Variants in PRKCB observed in about 807,000 individuals in gnomAD.
PRKCB encodes protein kinase C beta type.
A neutral mutation model predicts 81.5 loss-of-function variants in PRKCB; 13 were observed. The observed-to-expected ratio is 0.16, with a 90% CI of 0.10 to 0.25. PRKCB has a LOEUF of 0.25. Ranked by LOEUF, PRKCB falls within the 10% of genes least tolerant of loss-of-function variation. The probability of loss-of-function intolerance (pLI) is 1.00; values close to 1 mark genes in which losing one functional copy is unlikely to be tolerated. For synonymous variants in PRKCB, 335 were observed against 321.4 expected, an observed-to-expected ratio of 1.04 and a Z score of -0.45; for missense variants, 509 against 875.7, an observed-to-expected ratio of 0.58 and a Z score of 5.29.
chr16:23,939,455 G>T (rs1964108750), intron 2 of PRKCB, among the ~76,000 whole-genome samples: 1 of 152,176 alleles, frequency 6.6e-6, no homozygotes, highest in East Asian at 1.9e-4. Flanking sequence ...GAATAAAATG[G>T]GAGGAATCAG....
Position 24,180,892 on chromosome 16 carries a change from G to A in PRKCB, c.1497G>A (p.Lys499=). 6.2e-7 allele frequency: 1 copy of A among 1,614,222 alleles called. No homozygotes were observed. The highest frequency in any genetic ancestry group is 8.5e-7 in the Non-Finnish European group (1 of 1,180,040). ...ACATCTGGGATGGGGTGACAACCAA[G>A]ACATTCTGTGGCACTCCAGACTACA... The part of the protein sequence containing the change: ...KENIWDGVTT[K]TFCGTPDYIA... Residue 499 remains lysine (K), a synonymous_variant, in exon 13 of 17, where the codon AAG becomes AAA. Coordinates refer to ENST00000643927, the MANE Select transcript of PRKCB (RefSeq NM_002738.7).
At chr16:23,957,006 A>AAAAAAAAAAAAAAAAAAAAAAAAAAAAG (rs1964358624) in intron 2 of PRKCB, among the ~76,000 whole-genome samples, 1 of 133,214 alleles carries the variant, frequency 7.5e-6, no homozygotes, top group Admixed American at 7.7e-5. Flanking sequence ...AAAAAAAAAA[A>AAAAAAAAAAAAAAAAAAAAAAAAAAAAG]GAATATTAGA....
At position 24,219,661 on chromosome 16, in the gene PRKCB, C is replaced by T; in HGVS notation, c.*4845C>T. 1 of 408,652 alleles carries T rather than the reference C, an allele frequency of 2.4e-6. No homozygotes were observed. The highest frequency in any genetic ancestry group is 3.1e-6 in the Non-Finnish European group (1 of 323,062). The allele number at this position is 408,652 out of a possible 1,614,324, so 25.3% of individuals were successfully genotyped here. On this transcript the variant is annotated 3_prime_UTR_variant, in exon 17 of 17. Coordinates refer to ENST00000643927, the MANE Select transcript of PRKCB (RefSeq NM_002738.7). The stretch of plus-strand genomic sequence containing the variant: ...AAGCCAAAGAAAATACAGCAACACA[C>T]ACACACACACACACACACACACACA...
intron 2 of PRKCB, among the ~76,000 whole-genome samples, chr16:23,936,579 A>ATTTTTTTTTTTTTT (rs57643578): frequency 4.2e-5 from 4 of 96,042 alleles, no homozygotes; most frequent in African/African-American, 8.5e-5. Flanking sequence ...CACCCAACTA[A>ATTTTTTTTTTTTTT]TTTTTTTTTT....
chr16:24,111,963 T>A (rs1966681346), intron 7 of PRKCB, among the ~76,000 whole-genome samples: 1 of 152,156 alleles, frequency 6.6e-6, no homozygotes, highest in Admixed American at 6.5e-5. Flanking sequence ...AATTTATAGA[T>A]GAGAAAAACA....
intron 2 of PRKCB, among the ~76,000 whole-genome samples, chr16:23,938,968 G>A (rs1157614304): frequency 2.0e-5 from 3 of 152,108 alleles, no homozygotes; most frequent in African/African-American, 7.2e-5. Context: ...AAATACCAAG[G>A]AATCTATAAA....
Position 23,877,449 on chromosome 16 carries a change from C to G in PRKCB, c.205+40043C>G, listed in dbSNP as rs553132168. ...CCTGCCTTGAGTCACACGACCATCT[C>G]TGACTTGTTGACCCCTCTACAATCC... On this transcript the variant is annotated intron_variant, in intron 2 of 16. Coordinates refer to ENST00000643927, the MANE Select transcript of PRKCB (RefSeq NM_002738.7). Among the ~76,000 whole-genome samples the G allele has an allele frequency of 2.6e-5, 4 of 152,330 alleles. No individual in the cohort carries two copies. In the East Asian group the frequency reaches 7.7e-4, roughly 29 times the overall value.
chr16:24,182,383 C>A (rs1366964032), intron 13 of PRKCB, among the ~76,000 whole-genome samples: 1 of 152,142 alleles, frequency 6.6e-6, no homozygotes, highest in East Asian at 1.9e-4. Context: ...TCGCCAGGTG[C>A]ACTAGGTCAC....
At chr16:23,965,822 T>G (rs990887029) in intron 2 of PRKCB, among the ~76,000 whole-genome samples, 14 of 152,226 alleles carry the variant, frequency 9.2e-5, no homozygotes, top group African/African-American at 3.4e-4. Context: ...CTTCTCTTCT[T>G]CACCAACTGC....
intron 7 of PRKCB, among the ~76,000 whole-genome samples, chr16:24,094,906 C>G (rs2434327): frequency 0.4 from 59,392 of 147,426 alleles, 11,820 homozygotes; most frequent in Non-Finnish European, 0.43. Context: ...GAAAGAAAGA[C>G]GGAAAGCAGG....
intron 2 of PRKCB, among the ~76,000 whole-genome samples, chr16:23,985,517 T>C (rs922771734): frequency 2.0e-5 from 3 of 152,198 alleles, no homozygotes; most frequent in African/African-American, 7.2e-5. Context: ...GTAGGACTTA[T>C]ATGGAGAAAA....
In PRKCB at chr16:24,103,035, G is replaced by A. The variant is rs545707673; in HGVS notation, c.821+8738G>A. ...TTACAAGTGCCTGCCACCACACCCG[G>A]CTAATTTTTGTATTTTTAGTTGAGA... On this transcript the variant is annotated intron_variant, in intron 7 of 16. Transcript: ENST00000643927. Among the ~76,000 whole-genome samples, 3 of 152,206 alleles carry A rather than the reference G, an allele frequency of 2.0e-5. No individual in the cohort carries two copies. In the East Asian group the frequency reaches 5.8e-4, roughly 29 times the overall value.
At chr16:24,004,821 A>G (rs1242530989) in intron 3 of PRKCB, among the ~76,000 whole-genome samples, 1 of 152,246 alleles carries the variant, frequency 6.6e-6, no homozygotes, top group Non-Finnish European at 1.5e-5. Flanking sequence ...AAATCTAATC[A>G]TTTTGACCTA....
chr16:23,940,540 G>A (rs1964128358), intron 2 of PRKCB, among the ~76,000 whole-genome samples: 1 of 151,984 alleles, frequency 6.6e-6, no homozygotes, highest in South Asian at 2.1e-4. Flanking sequence ...ATACCTCTAA[G>A]AGTTAGTCCT....
At position 24,174,525 on chromosome 16, in the gene PRKCB, G is replaced by T; in HGVS notation, c.1339G>T (p.Ala447Ser). The T allele has an allele frequency of 6.2e-7, 1 of 1,604,170 alleles. No homozygotes were observed. The highest frequency in any genetic ancestry group is 8.5e-7 in the Non-Finnish European group (1 of 1,176,276). ...TTTTTTTTTTAATTTCAGATTTTAC[G>T]CTGCAGAAATTGCCATCGGTCTGTT... ...RFKEPHAVFY[A>S]AEIAIGLFFL... is the part of the protein sequence containing the mutation. The change falls in exon 12 of 17, where the codon GCT (alanine) becomes TCT (serine). Residue 447 changes from alanine (A) to serine (S), a missense_variant. Physicochemically the swap from Ala to Ser is moderately conservative, Grantham distance 99 (BLOSUM62 1). Transcript: ENST00000643927.
intron 10 of PRKCB, among the ~76,000 whole-genome samples, chr16:24,166,791 G>A (rs546512160): frequency 2.0e-4 from 30 of 152,300 alleles, no homozygotes; most frequent in Non-Finnish European, 3.5e-4. Flanking sequence ...GATGCCAACC[G>A]TAACATTTAA....
chr16:24,123,861 G>T lies in PRKCB; in HGVS notation c.945G>T (p.Lys315Asn). Residue 315 changes from lysine (K) to asparagine (N), a missense_variant, in exon 9 of 17, where the codon AAG becomes AAT. Around this residue, in one of 6 missense-constraint regions of PRKCB, gnomAD observed 80 missense variants for 89.4 expected, o/e 0.90. Transcript: ENST00000643927. ...GGGCCAAGATCAGTCAGGGAACCAAGGTCCCGGAAGAAAAGACGACCAACA... is the reference window on the plus strand; with the variant it reads ...GGGCCAAGATCAGTCAGGGAACCAATGTCCCGGAAGAAAAGACGACCAACA... ...FERAKISQGT[K>N]VPEEKTTNTV... 1 of 1,614,106 alleles carries T rather than the reference G, an allele frequency of 6.2e-7. No individual in the cohort carries two copies. The highest frequency in any genetic ancestry group is 8.5e-7 in the Non-Finnish European group (1 of 1,180,002).
chr16:24,088,714 CAAAA>C (rs56883594), intron 5 of PRKCB, among the ~76,000 whole-genome samples: 4,600 of 113,580 alleles, frequency 0.041, 103 homozygotes, highest in East Asian at 0.15. Context: ...GACCCTGTGT[CAAAA>C]AAAAAAAAAA....
intron 2 of PRKCB, among the ~76,000 whole-genome samples, chr16:23,912,279 A>G (rs1428258529): frequency 1.3e-5 from 2 of 151,990 alleles, no homozygotes; most frequent in Non-Finnish European, 2.9e-5. Flanking sequence ...CTCTGCTATA[A>G]GCCACTTGAG....
Sources: gnomAD v4.1 joint callset for allele counts (sites outside exome capture counted in the v4.1 genomes callset) on GRCh38, gnomAD v4.1.1 for gene constraint, gnomAD v4.1.1 regional missense constraint, MANE v1.5 for transcripts, NCBI Gene and HGNC (gene_info 2026-07-23, HGNC 2026-07-21) for gene names.